AKR1C2: variants seen among roughly 807,000 people sequenced by gnomAD.
The protein encoded by AKR1C2 is aldo-keto reductase family 1 member C2.
AKR1C2 carries 27 observed loss-of-function variants against 39.8 expected under a neutral mutation model. The observed-to-expected ratio is 0.68, with a 90% CI of 0.50 to 0.93. The LOEUF (loss-of-function observed/expected upper bound fraction) is 0.93. Among genes scored for constraint, AKR1C2 ranks in the 40% least tolerant of loss-of-function variants. AKR1C2 has a pLI of 0.00. For missense variants in AKR1C2, 263 were observed against 365.1 expected, an observed-to-expected ratio of 0.72 and a Z score of 2.28; for synonymous variants, 114 against 137.9, an observed-to-expected ratio of 0.83 and a Z score of 1.22.
At chr10:4,998,168 A>G (rs2801897) in intron 5 of AKR1C2, among the ~76,000 whole-genome samples, 75,120 of 144,968 alleles carry the variant, frequency 0.52, 20,290 homozygotes, top group East Asian at 0.93. Flanking sequence ...ATATCAAGAG[A>G]CACTGAGACA....
chr10:4,996,647 G>A (rs1372414114), intron 5 of AKR1C2, among the ~76,000 whole-genome samples: 21 of 150,816 alleles, frequency 1.4e-4, no homozygotes, highest in Admixed American at 5.3e-4. Flanking sequence ...CAATTAGTGC[G>A]ACAATGAGAA....
intron 1 of AKR1C2, chr10:5,013,215 T>C (rs1178724224): frequency 6.6e-6 from 1 of 152,124 alleles, no homozygotes; most frequent in Non-Finnish European, 1.5e-5. Flanking sequence ...ATATTGAAAA[T>C]AAAAAAGTTT....
At chr10:5,006,765 CA>C (rs1204849904), upstream of AKR1C2, among the ~76,000 whole-genome samples, 57 of 146,854 alleles carry the variant, frequency 3.9e-4, no homozygotes, top group African/African-American at 1.4e-3. Flanking sequence ...CCATATTTGG[CA>C]AAAAAATTAT....
At chr10:4,991,419 G>A (rs1464283978) in intron 8 of AKR1C2, among the ~76,000 whole-genome samples, 1 of 152,146 alleles carries the variant, frequency 6.6e-6, no homozygotes, top group Non-Finnish European at 1.5e-5. Flanking sequence ...TGACGGAACT[G>A]CCTTTGATCT....
chr10:4,989,962 G>T lies in AKR1C2; in HGVS notation c.*34C>A. On this transcript the variant is annotated 3_prime_UTR_variant, in exon 9 of 9. Coordinates refer to ENST00000380753, the MANE Select transcript of AKR1C2 (RefSeq NM_001393392.1). ...CTCTGTGTCACCATCCACACGCAGG[G>T]CCTTCTGGCAGACCTCATGCAATGC... 6.4e-7 allele frequency: 1 copy of T among 1,560,198 alleles called. No homozygotes were observed. The highest frequency in any genetic ancestry group is 1.1e-5 in the South Asian group (1 of 89,086).
chr10:5,004,208 A>G (rs1186581465), upstream of AKR1C2, among the ~76,000 whole-genome samples: 6 of 152,220 alleles, frequency 3.9e-5, no homozygotes, highest in Non-Finnish European at 8.8e-5. Context: ...TGCCATGATG[A>G]TGAGTTCCTT....
intron 5 of AKR1C2, among the ~76,000 whole-genome samples, chr10:4,996,971 A>G (rs1233558552): frequency 6.6e-6 from 1 of 152,120 alleles, no homozygotes; most frequent in East Asian, 1.9e-4. Flanking sequence ...AAAATTTGTC[A>G]TGGGAATATG....
intron 7 of AKR1C2, among the ~76,000 whole-genome samples, chr10:4,994,132 G>A (rs12267144): frequency 1.3e-5 from 2 of 151,144 alleles, no homozygotes; most frequent in Non-Finnish European, 3.0e-5. Context: ...ATATGACATA[G>A]GTTTTATAAT....
chr10:5,011,514 T>A lies in AKR1C2; in HGVS notation c.-88+6386A>T, dbSNP rs186344926. On this transcript the variant is annotated intron_variant, in intron 1 of 6. Coordinates refer to the AKR1C2 transcript ENST00000604507. ...ATGAATAAGAATCTCTGGTGTAGGA[T>A]TTTAGCTTTTGGCAAGATGGTCTAC... is the stretch of plus-strand genomic sequence containing the variant. Among the ~76,000 whole-genome samples, 78 of 152,320 alleles carry A rather than the reference T, an allele frequency of 5.1e-4. 1 individual carries two copies. The highest frequency in any genetic ancestry group is 1.8e-3 in the African/African-American group (75 of 41,576).
At chr10:5,001,452 C>A (rs1401579592) in intron 2 of AKR1C2, 62 bp downstream of exon 2, 31 of 1,561,096 alleles carry the variant, frequency 2.0e-5, no homozygotes, top group Non-Finnish European at 2.6e-5. Flanking sequence ...AGTCATAGAA[C>A]TGCCACCTCC....
intron 5 of AKR1C2, among the ~76,000 whole-genome samples, chr10:4,996,637 C>T (rs61856064): frequency 0.081 from 12,113 of 150,004 alleles, 532 homozygotes; most frequent in Middle Eastern, 0.13. Flanking sequence ...GAGTCTGTAG[C>T]AATTAGTGCG....
intron 5 of AKR1C2, 154 bp from the exon 6 acceptor site, chr10:4,996,019 AT>A (rs1441435759): frequency 1.1e-4 from 94 of 853,918 alleles, no homozygotes; most frequent in Admixed American, 5.1e-4. Flanking sequence ...AATAAATTTT[AT>A]GCCCCTCTCT....
At chr10:4,996,986 C>G (rs1554773173) in intron 5 of AKR1C2, among the ~76,000 whole-genome samples, 1 of 152,048 alleles carries the variant, frequency 6.6e-6, no homozygotes, top group African/African-American at 2.4e-5. Flanking sequence ...AATATGACTT[C>G]TTCTGTTGAG....
rs1413894423 is a variant in AKR1C2 at position 5,001,434 on chromosome 10, A to G, written c.252+80T>C. On this transcript the variant is annotated intron_variant, in intron 2 of 8. Transcript: ENST00000380753. Reference sequence around the variant, plus strand: ...AAATAAGCACAATTCACCCTCAACTATGGATCCAGTCATAGAACTGCCACC... The same window carrying G: ...AAATAAGCACAATTCACCCTCAACTGTGGATCCAGTCATAGAACTGCCACC... 3.9e-6 allele frequency: 6 copies of G among 1,537,644 alleles called. No homozygotes were observed. The Admixed American group carries it at 1.3e-4, about 32-fold the overall frequency.
chr10:4,999,169 C>T lies in AKR1C2; in HGVS notation c.447+31G>A, dbSNP rs782340382. 69 of 1,570,124 alleles carry T rather than the reference C, an allele frequency of 4.4e-5. No individual in the cohort carries two copies. In the South Asian group the frequency reaches 7.7e-4, roughly 18 times the overall value. On this transcript the variant is annotated intron_variant, in intron 4 of 8. Transcript: ENST00000380753. ...AACAGATGTATCCTACCTCATCTTT[C>T]TTATCCGTTCTCTCACCTCCAAACA...
chr10:5,017,660 C>G (rs74825988), intron 1 of AKR1C2, among the ~76,000 whole-genome samples: 6,511 of 152,198 alleles, frequency 0.043, 420 homozygotes, highest in African/African-American at 0.14. Flanking sequence ...TTCTTCTGAG[C>G]CCTCTAAACT....
chr10:5,011,866 TGTTAAA>T (rs1837530495), intron 1 of AKR1C2, among the ~76,000 whole-genome samples: 1 of 152,058 alleles, frequency 6.6e-6, no homozygotes, highest in African/African-American at 2.4e-5. Context: ...GTATGAAGTG[TGTTAAA>T]GTTAAAGGTT....
intron 7 of AKR1C2, among the ~76,000 whole-genome samples, chr10:4,992,273 G>T (rs565757554): frequency 6.6e-6 from 1 of 152,026 alleles, no homozygotes; most frequent in African/African-American, 2.4e-5. Context: ...TAATTTAGTA[G>T]GTTTGATGAA....
intron 5 of AKR1C2, among the ~76,000 whole-genome samples, chr10:4,997,556 T>G (rs1300113914): frequency 6.6e-6 from 1 of 151,996 alleles, no homozygotes; most frequent in Non-Finnish European, 1.5e-5. Context: ...ATATACTCCA[T>G]ATAACATTGC....
Sources: gnomAD v4.1 joint callset for allele counts (sites outside exome capture counted in the v4.1 genomes callset) on GRCh38, gnomAD v4.1.1 for gene constraint, MANE v1.5 for transcripts, NCBI Gene and HGNC (gene_info 2026-07-23, HGNC 2026-07-21) for gene names.